The following EXOC6B variants were observed in gnomAD, a reference collection of about 807,000 sequenced individuals.
EXOC6B encodes SEC15 homolog B.
In EXOC6B, 54 loss-of-function variants were observed where a neutral mutation model predicts 113.5. The observed-to-expected ratio is 0.48, with a 90% CI of 0.38 to 0.60. EXOC6B has a LOEUF of 0.60. Among genes scored for constraint, EXOC6B ranks in the 20% least tolerant of loss-of-function variants. The probability of loss-of-function intolerance (pLI) is 0.00; values close to 1 mark genes in which losing one functional copy is unlikely to be tolerated. For missense variants in EXOC6B, 797 were observed against 977.5 expected, an observed-to-expected ratio of 0.82 and a Z score of 2.46; for synonymous variants, 357 against 339.0, an observed-to-expected ratio of 1.05 and a Z score of -0.58.
intron 1 of EXOC6B, among the ~76,000 whole-genome samples, chr2:72,764,762 A>G (rs1682961828): frequency 6.6e-6 from 1 of 152,192 alleles, no homozygotes; most frequent in Non-Finnish European, 1.5e-5. Context: ...TTTGTTCTAT[A>G]ATCATAATTG....
intron 18 of EXOC6B, among the ~76,000 whole-genome samples, chr2:72,424,720 A>T (rs1046244722): frequency 6.6e-6 from 1 of 152,196 alleles, no homozygotes; most frequent in East Asian, 1.9e-4. Flanking sequence ...AAGTTTATTA[A>T]TATGACTACT....
rs1053895438 is a variant in EXOC6B, at chr2:72,498,378, AC to A, written c.1337+75del. On this transcript the variant is annotated intron_variant, in intron 13 of 21. Coordinates refer to ENST00000272427, the MANE Select transcript of EXOC6B (RefSeq NM_015189.3). Reference sequence around the variant, plus strand: ...TACTTGTTGCCTATAACATCTGAAAACCTTTGCGCATAAATACATGTGTGTA... The same window carrying A: ...TACTTGTTGCCTATAACATCTGAAAACTTTGCGCATAAATACATGTGTGTA... 3.8e-5 allele frequency: 37 copies of A among 964,714 alleles called. 1 individual carries two copies. The Admixed American group carries it at 6.1e-4, about 16-fold the overall frequency. 59.8% of individuals were successfully genotyped at this position (964,714 alleles called of 1,614,324 possible).
chr2:72,285,472 C>CA (rs1418945528), intron 20 of EXOC6B, among the ~76,000 whole-genome samples: 1 of 151,738 alleles, frequency 6.6e-6, no homozygotes, highest in East Asian at 1.9e-4. Flanking sequence ...TCACAGCTTT[C>CA]AAAAAAATAA....
At chr2:72,744,477 C>T (rs1211302892) in intron 1 of EXOC6B, among the ~76,000 whole-genome samples, 1 of 152,116 alleles carries the variant, frequency 6.6e-6, no homozygotes, top group East Asian at 1.9e-4. Flanking sequence ...GTTGACATTT[C>T]AAGTAATCTC....
chr2:72,401,593 A>ATATATATG (rs1693265211), intron 18 of EXOC6B, among the ~76,000 whole-genome samples: 1 of 43,900 alleles, frequency 2.3e-5, no homozygotes, highest in South Asian at 4.8e-4. Context: ...ATATATATAT[A>ATATATATG]TATATATATG....
chr2:72,403,711 A>C (rs1468055594), intron 18 of EXOC6B, among the ~76,000 whole-genome samples: 1 of 152,116 alleles, frequency 6.6e-6, no homozygotes, highest in East Asian at 1.9e-4. Context: ...GTCCTTAAAA[A>C]AGTAAAAAAC....
chr2:72,401,514 T>TATAC (rs1693175401), intron 18 of EXOC6B, among the ~76,000 whole-genome samples: 1 of 51,464 alleles, frequency 1.9e-5, no homozygotes, highest in South Asian at 5.1e-4. Context: ...TATATATATA[T>TATAC]ACATATATAC....
intron 6 of EXOC6B, among the ~76,000 whole-genome samples, chr2:72,646,910 T>A (rs1172108702): frequency 1.3e-5 from 2 of 152,196 alleles, no homozygotes; most frequent in African/African-American, 4.8e-5. Flanking sequence ...ATGCCTTCTC[T>A]CACCACTCCT....
intron 19 of EXOC6B, 26 bp downstream of exon 19, chr2:72,379,703 A>T (rs1328781185): frequency 1.9e-6 from 3 of 1,569,870 alleles, no homozygotes; most frequent in Middle Eastern, 1.7e-4. Context: ...TAAGATAAAC[A>T]AGCACAGGGA....
chr2:72,434,994 T>C (rs1262387304), intron 18 of EXOC6B, among the ~76,000 whole-genome samples: 1 of 152,186 alleles, frequency 6.6e-6, no homozygotes, highest in African/African-American at 2.4e-5. Context: ...TTAATTGTGA[T>C]GTTAGGGTGT....
chr2:72,252,265 C>T (rs1279920062), intron 20 of EXOC6B, among the ~76,000 whole-genome samples: 1 of 150,632 alleles, frequency 6.6e-6, no homozygotes, highest in Non-Finnish European at 1.5e-5. Context: ...ATTTCTGCCA[C>T]TATTGCCTAT....
chr2:72,753,250 A>T (rs931167487), intron 1 of EXOC6B, among the ~76,000 whole-genome samples: 7 of 1,380 alleles, frequency 5.1e-3, no homozygotes, highest in African/African-American at 0.014. Flanking sequence ...CTTGAATTAA[A>T]AAAAAAAAAA....
chr2:72,775,591 T>C (rs1683648480), intron 1 of EXOC6B, among the ~76,000 whole-genome samples: 1 of 151,986 alleles, frequency 6.6e-6, no homozygotes, highest in Non-Finnish European at 1.5e-5. Flanking sequence ...AATAAACAAT[T>C]TATGCTCACA....
At chr2:72,334,738 C>G (rs1346641613) in intron 20 of EXOC6B, among the ~76,000 whole-genome samples, 1 of 150,584 alleles carries the variant, frequency 6.6e-6, no homozygotes, top group African/African-American at 2.5e-5. Flanking sequence ...CCCGCCTTCC[C>G]TTCTACCCAC....
At chr2:72,797,147 C>A (rs1027894330) in intron 1 of EXOC6B, among the ~76,000 whole-genome samples, 2 of 152,154 alleles carry the variant, frequency 1.3e-5, no homozygotes, top group African/African-American at 4.8e-5. Flanking sequence ...CTGACCACAC[C>A]ATAATTTTCT....
At chr2:72,776,845 C>T (rs952941116) in intron 1 of EXOC6B, among the ~76,000 whole-genome samples, 1 of 151,828 alleles carries the variant, frequency 6.6e-6, no homozygotes, top group African/African-American at 2.4e-5. Flanking sequence ...TTTCCTAAAT[C>T]TGATGAAGAA....
intron 18 of EXOC6B, among the ~76,000 whole-genome samples, chr2:72,454,357 A>G (rs1352939251): frequency 6.6e-6 from 1 of 152,094 alleles, no homozygotes; most frequent in African/African-American, 2.4e-5. Flanking sequence ...ATAATAAGTT[A>G]GCCAGGAATG....
At position 72,592,346 on chromosome 2, in the gene EXOC6B, A is replaced by C. The variant is rs1221024214; in HGVS notation, c.670-16678T>G. Among the ~76,000 whole-genome samples, 3 of 152,170 alleles carry C rather than the reference A, an allele frequency of 2.0e-5. No individual in the cohort carries two copies. The East Asian group carries it at 5.8e-4, about 29-fold the overall frequency. ...GGATTAGAAAATAGACACAAAAGTC[A>C]AGTTCCAACAGGTAGGAATGGCCTT... On this transcript the variant is annotated intron_variant, in intron 6 of 21. Coordinates refer to ENST00000272427, the MANE Select transcript of EXOC6B (RefSeq NM_015189.3).
At chr2:72,718,066 A>T (rs746740612) in intron 6 of EXOC6B, 37 bp downstream of exon 6, 14 of 1,517,116 alleles carry the variant, frequency 9.2e-6, no homozygotes, top group Non-Finnish European at 1.2e-5. Context: ...AATACTGATA[A>T]AGCCACTGGC....
Sources: allele counts gnomAD v4.1 joint callset (sites outside exome capture counted in the v4.1 genomes callset), GRCh38; gene constraint gnomAD v4.1.1; transcripts MANE v1.5; gene names NCBI Gene and HGNC (gene_info 2026-07-23, HGNC 2026-07-21).